TENM2: variants seen among roughly 807,000 people sequenced by gnomAD.
TENM2 encodes the protein teneurin-2.
TENM2 carries 52 observed loss-of-function variants against 245.2 expected under a neutral mutation model. The ratio of observed to expected loss-of-function variants is 0.21; its 90% CI spans 0.17 to 0.27. TENM2 has a LOEUF of 0.27. Ranked by LOEUF, TENM2 falls within the 10% of genes least tolerant of loss-of-function variation. The pLI is 1.00. For synonymous variants in TENM2, 1,363 were observed against 1,438.9 expected (o/e 0.95, Z 1.19); for missense variants, 3,046 against 3,666.8 (o/e 0.83, Z 4.37).
At position 168,070,959 on chromosome 5, in the gene TENM2, A is replaced by G. The variant is rs368176224; in HGVS notation, c.1515+8694A>G. The stretch of plus-strand genomic sequence containing the variant: ...TACAGAAAGAAGGAAAGGAAAGGAA[A>G]GGAAGGGAAAGGGAAAGGGAAAGGA... On this transcript the variant is annotated intron_variant, in intron 7 of 28. Coordinates refer to ENST00000518659, the Ensembl canonical transcript of TENM2. 7.7e-4 allele frequency among the ~76,000 whole-genome samples: 113 copies of G among 146,638 alleles called. 1 individual carries two copies. The highest frequency in any genetic ancestry group is 3.8e-3 in the East Asian group (18 of 4,784).
chr5:167,209,846 T>G, the TENM2 span, among the ~76,000 whole-genome samples: 2 of 152,162 alleles, frequency 1.3e-5, no homozygotes, highest in Non-Finnish European at 2.9e-5. Context: ...CAAGGCTCAG[T>G]GAATATATGC....
chr5:167,404,553 A>G (rs181601344), intron 2 of TENM2, among the ~76,000 whole-genome samples: 36 of 152,264 alleles, frequency 2.4e-4, no homozygotes, highest in Admixed American at 5.2e-4. Context: ...CAGTAAGGCC[A>G]TAAGGGACTT....
rs546996264 is a variant in TENM2, at chr5:167,448,893, G to A, written c.502+73420G>A. Reference sequence around the variant, plus strand: ...TGGTTCTTAACCTATTCTAAGAAGCGGGGCAATGCAAAAATATAAAGGAAA... The same window carrying A: ...TGGTTCTTAACCTATTCTAAGAAGCAGGGCAATGCAAAAATATAAAGGAAA... On this transcript the variant is annotated intron_variant, in intron 2 of 28. Coordinates refer to ENST00000518659, the Ensembl canonical transcript of TENM2. 1.1e-4 allele frequency among the ~76,000 whole-genome samples: 17 copies of A among 151,996 alleles called. No individual in the cohort carries two copies. In the East Asian group the frequency reaches 1.9e-3, roughly 17 times the overall value.
intron 2 of TENM2, among the ~76,000 whole-genome samples, chr5:167,507,317 GT>G (rs1487541706): frequency 6.6e-6 from 1 of 152,126 alleles, no homozygotes; most frequent in Non-Finnish European, 1.5e-5. Flanking sequence ...TCAACTCTCT[GT>G]GGCACAATTC....
chr5:167,656,963 G>A (rs1249904310), intron 2 of TENM2, among the ~76,000 whole-genome samples: 1 of 118,310 alleles, frequency 8.5e-6, no homozygotes, highest in African/African-American at 3.4e-5. Flanking sequence ...TTTTTGCATT[G>A]GAAACATTCA....
At chr5:167,729,064 C>T (rs142192693) in intron 2 of TENM2, 1 of 152,364 alleles carries the variant, frequency 6.6e-6, no homozygotes, top group East Asian at 1.9e-4. Context: ...TCTGGGCCTC[C>T]TTACCAACAC....
At chr5:167,857,219 C>A (rs1449552948) in intron 2 of TENM2, among the ~76,000 whole-genome samples, 1 of 152,196 alleles carries the variant, frequency 6.6e-6, no homozygotes, top group South Asian at 2.1e-4. Flanking sequence ...CAAGATTTAT[C>A]AAGCTGAATG....
At chr5:167,148,562 A>T in the TENM2 span, among the ~76,000 whole-genome samples, 1 of 152,192 alleles carries the variant, frequency 6.6e-6, no homozygotes, top group African/African-American at 2.4e-5. Context: ...AAATGCAAAC[A>T]TCTGTAGTTT....
the TENM2 span, among the ~76,000 whole-genome samples, chr5:167,170,760 C>T: frequency 2.0e-5 from 3 of 152,136 alleles, no homozygotes; most frequent in Admixed American, 1.3e-4. Context: ...ACCAAAGCAG[C>T]GTTCGTCAAA....
chr5:167,598,198 A>T (rs1582496931), intron 2 of TENM2, among the ~76,000 whole-genome samples: 1 of 152,184 alleles, frequency 6.6e-6, no homozygotes, highest in African/African-American at 2.4e-5. Context: ...TGTGTATATT[A>T]GAGGAAGGCA....
intron 2 of TENM2, among the ~76,000 whole-genome samples, chr5:167,523,707 C>T (rs1182139514): frequency 6.6e-6 from 1 of 152,098 alleles, no homozygotes; most frequent in Non-Finnish European, 1.5e-5. Flanking sequence ...TTCATTAACT[C>T]CACAAATATT....
intron 2 of TENM2, among the ~76,000 whole-genome samples, chr5:167,578,705 T>G (rs1024866532): frequency 2.0e-5 from 3 of 152,212 alleles, no homozygotes; most frequent in Non-Finnish European, 2.9e-5. Context: ...CTTTATTTAT[T>G]AGAATTAATT....
At position 167,396,988 on chromosome 5, in the gene TENM2, A is replaced by G. The variant is rs540028537; in HGVS notation, c.502+21515A>G. On this transcript the variant is annotated intron_variant, in intron 2 of 28. Transcript: ENST00000518659. ...TGTTGATCCTGGAGAAATATCCCCA[A>G]TCTATTTCTCAATGAAGGCAGTGAT... Among the ~76,000 whole-genome samples, 3 of 152,140 alleles carry G rather than the reference A, an allele frequency of 2.0e-5. No individual in the cohort carries two copies. In the East Asian group the frequency reaches 5.8e-4, roughly 29 times the overall value.
At chr5:168,010,175 A>G (rs1785119997) in intron 5 of TENM2, among the ~76,000 whole-genome samples, 1 of 152,226 alleles carries the variant, frequency 6.6e-6, no homozygotes, top group Non-Finnish European at 1.5e-5. Flanking sequence ...TGGCATTTAA[A>G]TGTAATTGAC....
the TENM2 span, among the ~76,000 whole-genome samples, chr5:166,990,969 T>C: frequency 6.6e-6 from 1 of 151,942 alleles, no homozygotes; most frequent in African/African-American, 2.4e-5. Context: ...GACAGTTGGA[T>C]TGGGATTGTG....
At chr5:167,039,388 T>A in the TENM2 span, among the ~76,000 whole-genome samples, 1 of 152,166 alleles carries the variant, frequency 6.6e-6, no homozygotes. Flanking sequence ...CGTTTCTAGG[T>A]ATTGATAGGG....
At chr5:167,280,332 A>C (rs1770972235), upstream of TENM2, among the ~76,000 whole-genome samples, 2 of 152,124 alleles carry the variant, frequency 1.3e-5, no homozygotes, top group Admixed American at 1.3e-4. Context: ...GACTCTCCTA[A>C]ACATTCTTCC....
At chr5:167,920,515 T>TCACACACG in intron 3 of TENM2, among the ~76,000 whole-genome samples, 6 of 129,524 alleles carry the variant, frequency 4.6e-5, no homozygotes, top group African/African-American at 1.8e-4. Flanking sequence ...CGAAACTCCA[T>TCACACACG]CACACACACA....
chr5:167,835,654 T>C (rs1280395233), intron 2 of TENM2, among the ~76,000 whole-genome samples: 1 of 151,920 alleles, frequency 6.6e-6, no homozygotes, highest in Non-Finnish European at 1.5e-5. Flanking sequence ...AGTAGAATTG[T>C]AAGGACATGC....
Sources: gnomAD v4.1 joint callset for allele counts (sites outside exome capture counted in the v4.1 genomes callset) on GRCh38, gnomAD v4.1.1 for gene constraint, MANE v1.5 for transcripts, NCBI Gene and HGNC (gene_info 2026-07-23, HGNC 2026-07-21) for gene names.